The following MARCHF1 variants were observed in gnomAD, a reference collection of about 807,000 sequenced individuals.
MARCHF1 encodes the protein membrane associated ring-CH-type finger 1.
A neutral mutation model predicts 54.2 loss-of-function variants in MARCHF1; 40 were observed. The ratio of observed to expected loss-of-function variants is 0.74; its 90% CI spans 0.57 to 0.96. The LOEUF (loss-of-function observed/expected upper bound fraction) is 0.96. Ranked by LOEUF, MARCHF1 falls within the 40% of genes least tolerant of loss-of-function variation. MARCHF1 has a pLI of 0.00. For missense variants in MARCHF1, 586 were observed against 656.5 expected, an observed-to-expected ratio of 0.89 and a Z score of 1.17; for synonymous variants, 236 against 236.3, an observed-to-expected ratio of 1.00 and a Z score of 0.01.
At chr4:164,149,042 G>A (rs559318778) in intron 1 of MARCHF1, among the ~76,000 whole-genome samples, 15 of 152,164 alleles carry the variant, frequency 9.9e-5, no homozygotes, top group Admixed American at 2.6e-4. Context: ...TGCTACTGTG[G>A]TAATGAGTGA....
chr4:163,976,862 C>T (rs1295802383), intron 3 of MARCHF1, among the ~76,000 whole-genome samples: 1 of 152,082 alleles, frequency 6.6e-6, no homozygotes, highest in African/African-American at 2.4e-5. Flanking sequence ...ATTTCAGTCA[C>T]CAGTCACCGT....
intron 1 of MARCHF1, among the ~76,000 whole-genome samples, chr4:164,279,459 T>C (rs1350301294): frequency 3.3e-5 from 5 of 151,572 alleles, no homozygotes; most frequent in Non-Finnish European, 7.4e-5. Context: ...ATGACATTTT[T>C]CAGAATCAAA....
intron 1 of MARCHF1, among the ~76,000 whole-genome samples, chr4:164,322,084 G>A (rs1298394029): frequency 8.5e-5 from 13 of 152,054 alleles, no homozygotes; most frequent in Admixed American, 8.5e-4. Flanking sequence ...TCTTTCAGAT[G>A]AGTGTTGTAG....
At chr4:164,065,151 G>A (rs1177401482) in intron 2 of MARCHF1, among the ~76,000 whole-genome samples, 2 of 152,182 alleles carry the variant, frequency 1.3e-5, no homozygotes, top group African/African-American at 4.8e-5. Context: ...GTATCAGGAT[G>A]ATGCTGGCCT....
At chr4:164,076,955 C>A (rs569563316) in intron 2 of MARCHF1, among the ~76,000 whole-genome samples, 25 of 152,158 alleles carry the variant, frequency 1.6e-4, no homozygotes, top group African/African-American at 6.0e-4. Flanking sequence ...GCCATACAGC[C>A]CAAATTAATT....
intron 4 of MARCHF1, among the ~76,000 whole-genome samples, chr4:163,755,691 AAAG>A (rs753853514): frequency 3.5e-4 from 54 of 152,178 alleles, no homozygotes; most frequent in Non-Finnish European, 4.6e-4. Context: ...CTGAAAAGAA[AAAG>A]AAGATCACCA....
intron 2 of MARCHF1, among the ~76,000 whole-genome samples, chr4:164,037,841 T>G (rs1754042239): frequency 6.6e-6 from 1 of 152,230 alleles, no homozygotes; most frequent in Non-Finnish European, 1.5e-5. Context: ...TTAATGACTT[T>G]TCATACCATT....
intron 1 of MARCHF1, among the ~76,000 whole-genome samples, chr4:164,162,053 A>G (rs1163521749): frequency 6.6e-6 from 1 of 152,204 alleles, no homozygotes; most frequent in Non-Finnish European, 1.5e-5. Flanking sequence ...AAAGACAACG[A>G]AAACAGCTAT....
At chr4:163,994,849 G>A (rs1753042751) in intron 2 of MARCHF1, among the ~76,000 whole-genome samples, 1 of 150,496 alleles carries the variant, frequency 6.6e-6, no homozygotes, top group Admixed American at 6.6e-5. Context: ...AGAGATACAT[G>A]TATCTGCTCA....
intron 4 of MARCHF1, among the ~76,000 whole-genome samples, chr4:163,799,172 A>G (rs962627813): frequency 2.6e-5 from 4 of 152,172 alleles, no homozygotes; most frequent in Non-Finnish European, 5.9e-5. Flanking sequence ...TCAAGTGTTC[A>G]GTAGCTGCAT....
intron 2 of MARCHF1, among the ~76,000 whole-genome samples, chr4:164,078,579 A>C (rs1755027602): frequency 6.6e-6 from 1 of 152,206 alleles, no homozygotes; most frequent in Admixed American, 6.5e-5. Flanking sequence ...TGTGTTCAAC[A>C]AAGTAAAAGA....
intron 2 of MARCHF1, among the ~76,000 whole-genome samples, chr4:164,106,548 T>C (rs907826533): frequency 7.2e-6 from 1 of 139,446 alleles, no homozygotes; most frequent in Non-Finnish European, 1.5e-5. Context: ...TTCTCACTCA[T>C]AGGTGGGAAT....
chr4:163,961,932 A>C (rs1752353041), intron 3 of MARCHF1, among the ~76,000 whole-genome samples: 1 of 151,880 alleles, frequency 6.6e-6, no homozygotes. Flanking sequence ...TCATTTGTTT[A>C]ATTTACTGGA....
At chr4:164,195,369 T>C (rs1214182514) in intron 1 of MARCHF1, among the ~76,000 whole-genome samples, 1 of 152,218 alleles carries the variant, frequency 6.6e-6, no homozygotes, top group African/African-American at 2.4e-5. Context: ...AATTTACTTT[T>C]TACGTTAATG....
chr4:164,207,409 G>A (rs1731638142), intron 1 of MARCHF1, among the ~76,000 whole-genome samples: 2 of 152,176 alleles, frequency 1.3e-5, no homozygotes, highest in South Asian at 4.1e-4. Context: ...ATCCAGATGG[G>A]AAGAAAACAG....
chr4:164,214,822 C>G (rs1731881146), intron 1 of MARCHF1, among the ~76,000 whole-genome samples: 2 of 152,154 alleles, frequency 1.3e-5, no homozygotes, highest in Non-Finnish European at 2.9e-5. Context: ...GTCTTAACTT[C>G]TTATCACATC....
intron 3 of MARCHF1, among the ~76,000 whole-genome samples, chr4:163,952,764 C>T (rs1333644676): frequency 2.0e-5 from 3 of 152,122 alleles, no homozygotes; most frequent in Non-Finnish European, 2.9e-5. Flanking sequence ...CACTGCACAC[C>T]ACCAAGCACA....
At chr4:163,747,012 A>G (rs1467968473) in intron 4 of MARCHF1, among the ~76,000 whole-genome samples, 2 of 152,198 alleles carry the variant, frequency 1.3e-5, no homozygotes, top group Non-Finnish European at 2.9e-5. Flanking sequence ...AGTTTCTAGT[A>G]CAACACTTTG....
At chr4:163,690,496 C>T (rs1014328510) in intron 5 of MARCHF1, among the ~76,000 whole-genome samples, 3 of 152,040 alleles carry the variant, frequency 2.0e-5, no homozygotes, top group Non-Finnish European at 4.4e-5. Flanking sequence ...TGTTGTTGTT[C>T]GAGAGATGGA....
Sources: gnomAD v4.1 joint callset for allele counts (sites outside exome capture counted in the v4.1 genomes callset) on GRCh38, gnomAD v4.1.1 for gene constraint, MANE v1.5 for transcripts, NCBI Gene and HGNC (gene_info 2026-07-23, HGNC 2026-07-21) for gene names.